Variants in ABTB3 observed in about 807,000 individuals in gnomAD.
The protein encoded by ABTB3 is ankyrin repeat- and BTB/POZ domain-containing protein 3.
the ABTB3 span, among the ~76,000 whole-genome samples, chr12:107,538,800 A>G: frequency 4.9e-4 from 74 of 152,284 alleles, 1 homozygote; most frequent in East Asian, 0.014. Context: ...AGCAGAGGCC[A>G]ACCAAATTCC....
the ABTB3 span, among the ~76,000 whole-genome samples, chr12:107,419,765 G>A: frequency 5.3e-5 from 8 of 152,126 alleles, no homozygotes; most frequent in South Asian, 2.1e-4. Context: ...TTACATGATC[G>A]TCCTCATCGT....
chr12:107,474,751 CA>C, the ABTB3 span, among the ~76,000 whole-genome samples: 1 of 152,162 alleles, frequency 6.6e-6, no homozygotes, highest in South Asian at 2.1e-4. Context: ...CAACCTTTAG[CA>C]CAGTGCTTGG....
the ABTB3 span, among the ~76,000 whole-genome samples, chr12:107,516,261 C>G: frequency 6.6e-6 from 1 of 151,204 alleles, no homozygotes; most frequent in African/African-American, 2.4e-5. Flanking sequence ...GACAGAGTCT[C>G]ACTGTGTCAC....
the ABTB3 span, among the ~76,000 whole-genome samples, chr12:107,361,046 G>A: frequency 7.0e-6 from 1 of 143,460 alleles, no homozygotes; most frequent in African/African-American, 2.6e-5. Context: ...CAGCACTTTA[G>A]GAGTAGCCCC....
the ABTB3 span, among the ~76,000 whole-genome samples, chr12:107,550,590 T>G: frequency 6.7e-6 from 1 of 149,558 alleles, no homozygotes; most frequent in Non-Finnish European, 1.5e-5. Context: ...TTTCTTTTTT[T>G]TTTTTTTTGA....
At chr12:107,549,648 T>C in the ABTB3 span, among the ~76,000 whole-genome samples, 1 of 152,170 alleles carries the variant, frequency 6.6e-6, no homozygotes, top group Non-Finnish European at 1.5e-5. Context: ...TGCATGAAAA[T>C]TTGACCTTGA....
At chr12:107,439,997 T>A in the ABTB3 span, among the ~76,000 whole-genome samples, 4 of 152,242 alleles carry the variant, frequency 2.6e-5, no homozygotes, top group Non-Finnish European at 5.9e-5. Context: ...TGTGACTTGT[T>A]TGATGGCTTG....
the ABTB3 span, chr12:107,635,102 CAG>C: frequency 4.0e-6 from 2 of 494,346 alleles, no homozygotes; most frequent in Non-Finnish European, 7.1e-6. Flanking sequence ...GTGGACAAAA[CAG>C]AGCAAGTAAA....
At chr12:107,657,887 C>T in the ABTB3 span, 3 of 670,772 alleles carry the variant, frequency 4.5e-6, no homozygotes, top group South Asian at 5.8e-5. Flanking sequence ...TTCCACTGGT[C>T]TGCAGATCAG....
At chr12:107,641,549 G>C in the ABTB3 span, among the ~76,000 whole-genome samples, 2 of 152,222 alleles carry the variant, frequency 1.3e-5, no homozygotes, top group African/African-American at 4.8e-5. Flanking sequence ...GGGCAGGAAA[G>C]TGCATTGAAA....
At chr12:107,602,485 GC>G in the ABTB3 span, among the ~76,000 whole-genome samples, 2 of 152,120 alleles carry the variant, frequency 1.3e-5, no homozygotes, top group Non-Finnish European at 2.9e-5. Flanking sequence ...TATGCTGAGC[GC>G]AGTACTCTGC....
At chr12:107,356,896 G>C in the ABTB3 span, among the ~76,000 whole-genome samples, 1 of 152,242 alleles carries the variant, frequency 6.6e-6, no homozygotes, top group Non-Finnish European at 1.5e-5. Flanking sequence ...GAATTCTCTT[G>C]TCCTTCAGAA....
chr12:107,533,248 A>C, the ABTB3 span, among the ~76,000 whole-genome samples: 10 of 152,304 alleles, frequency 6.6e-5, no homozygotes, highest in Middle Eastern at 3.4e-3. Context: ...CAATTAACAA[A>C]ATGACAGGAA....
At chr12:107,527,260 A>C in the ABTB3 span, among the ~76,000 whole-genome samples, 1 of 149,504 alleles carries the variant, frequency 6.7e-6, no homozygotes, top group Non-Finnish European at 1.5e-5. Flanking sequence ...AGAGCTGTAA[A>C]TCCCATAAGA....
chr12:107,447,405 A>G, the ABTB3 span, among the ~76,000 whole-genome samples: 1 of 152,066 alleles, frequency 6.6e-6, no homozygotes, highest in Non-Finnish European at 1.5e-5. Context: ...GCCTCCCAAA[A>G]TGCTAGGATT....
chr12:107,561,137 G>T, the ABTB3 span, among the ~76,000 whole-genome samples: 7 of 152,096 alleles, frequency 4.6e-5, no homozygotes, highest in Admixed American at 3.9e-4. Flanking sequence ...AGCTCTTTTT[G>T]CAGTCCTTTG....
chr12:107,630,836 A>G, the ABTB3 span, among the ~76,000 whole-genome samples: 144 of 152,328 alleles, frequency 9.5e-4, 1 homozygote, highest in African/African-American at 3.4e-3. Flanking sequence ...ACTTTTCCCT[A>G]TGATTAATAG....
the ABTB3 span, chr12:107,640,469 C>G: frequency 5.0e-5 from 59 of 1,172,954 alleles, no homozygotes; most frequent in Non-Finnish European, 6.9e-5. Context: ...GTTGCTATTA[C>G]TATTTTTTGA....
At chr12:107,513,208 A>G in the ABTB3 span, among the ~76,000 whole-genome samples, 1 of 152,144 alleles carries the variant, frequency 6.6e-6, no homozygotes, top group Non-Finnish European at 1.5e-5. Flanking sequence ...TACCACCATT[A>G]TCATCATTGA....
Sources: allele counts gnomAD v4.1 joint callset (sites outside exome capture counted in the v4.1 genomes callset), GRCh38; gene constraint gnomAD v4.1.1; transcripts MANE v1.5; gene names NCBI Gene and HGNC (gene_info 2026-07-23, HGNC 2026-07-21).